CMSS1: variants seen among roughly 807,000 people sequenced by gnomAD.
CMSS1 encodes the protein protein CMSS1.
A neutral mutation model predicts 43.5 loss-of-function variants in CMSS1; 33 were observed. The observed-to-expected ratio is 0.76, with a 90% CI of 0.57 to 1.01. The LOEUF (loss-of-function observed/expected upper bound fraction) is 1.01. Ranked by LOEUF, CMSS1 falls within the 50% of genes least tolerant of loss-of-function variation. The probability of loss-of-function intolerance (pLI) is 0.00; values close to 1 mark genes in which losing one functional copy is unlikely to be tolerated. For synonymous variants in CMSS1, 115 were observed against 117.2 expected (o/e 0.98, Z 0.12); for missense variants, 313 against 326.4 (o/e 0.96, Z 0.32).
intron 8 of CMSS1, among the ~76,000 whole-genome samples, chr3:100,173,700 C>G (rs2067127804): frequency 6.6e-6 from 1 of 152,126 alleles, no homozygotes; most frequent in Non-Finnish European, 1.5e-5. Context: ...TCAGAGGAAG[C>G]ATTCATGAAT....
At chr3:99,944,190 A>G (rs1250331186) in intron 1 of CMSS1, among the ~76,000 whole-genome samples, 1 of 152,224 alleles carries the variant, frequency 6.6e-6, no homozygotes. Flanking sequence ...AAGTATTTTA[A>G]GAGTGTGTGT....
In CMSS1 at chr3:100,166,326, T is replaced by C. The variant is rs1442244298; in HGVS notation, c.356-9T>C. The C allele has an allele frequency of 1.3e-6, 2 of 1,572,276 alleles. No homozygotes were observed. Among genetic ancestry groups the C allele is most frequent in the South Asian group, 1.1e-5 (1 of 90,192 alleles). On this transcript the variant is annotated splice_polypyrimidine_tract_variant and intron_variant, in intron 4 of 9. Coordinates refer to ENST00000421999, the MANE Select transcript of CMSS1 (RefSeq NM_032359.4). The stretch of plus-strand genomic sequence containing the variant: ...AATTATCTACAAAGCATGTTTATTA[T>C]ATTTCTAGACTCCTGTTTCCTCAAG...
At chr3:99,924,080 G>A in intron 1 of CMSS1, 3 of 709,200 alleles carry the variant, frequency 4.2e-6, no homozygotes, top group East Asian at 5.0e-5. Flanking sequence ...TACTGATAAT[G>A]TCTTCAAACA....
intron 1 of CMSS1, among the ~76,000 whole-genome samples, chr3:99,948,412 C>T (rs533547655): frequency 4.6e-5 from 7 of 151,758 alleles, no homozygotes; most frequent in African/African-American, 1.7e-4. Flanking sequence ...GTGATGCACA[C>T]CTGTAGTCCC....
At chr3:99,940,026 G>A (rs139443214) in intron 1 of CMSS1, among the ~76,000 whole-genome samples, 21 of 152,330 alleles carry the variant, frequency 1.4e-4, no homozygotes, top group African/African-American at 5.1e-4. Context: ...CACTGATGAG[G>A]TCCAGTAGGG....
intron 1 of CMSS1, among the ~76,000 whole-genome samples, chr3:99,988,886 A>G (rs1036522308): frequency 2.6e-5 from 4 of 152,136 alleles, no homozygotes; most frequent in African/African-American, 7.2e-5. Context: ...CTTGGTTTCT[A>G]TTAAAGCTTC....
chr3:99,995,833 CAG>C lies in CMSS1; in HGVS notation c.65-151139_65-151138del, dbSNP rs558389464. ...AGCAATGGCCAGAGCAGCTGGGACACAGGGCACCAAGTCCCTGGGCTGCACAC... is the reference window on the plus strand; with the variant it reads ...AGCAATGGCCAGAGCAGCTGGGACACGGCACCAAGTCCCTGGGCTGCACAC... On this transcript the variant is annotated intron_variant, in intron 1 of 9. Transcript: ENST00000421999. Among the ~76,000 whole-genome samples the C allele has an allele frequency of 1.7e-3, 259 of 152,298 alleles. 1 individual carries two copies. Among genetic ancestry groups the C allele is most frequent in the African/African-American group, 6.1e-3 (255 of 41,562 alleles).
chr3:99,864,645 T>C (rs1944422029), intron 1 of CMSS1, among the ~76,000 whole-genome samples: 1 of 152,084 alleles, frequency 6.6e-6, no homozygotes, highest in Admixed American at 6.5e-5. Flanking sequence ...ATTCCCATGC[T>C]TTCTGCTCCA....
chr3:99,957,142 C>T (rs555132593), intron 1 of CMSS1, among the ~76,000 whole-genome samples: 1 of 151,522 alleles, frequency 6.6e-6, no homozygotes, highest in African/African-American at 2.4e-5. Context: ...TGATATACAG[C>T]AAAAAAAATA....
At chr3:99,938,225 C>G (rs1276948786) in intron 1 of CMSS1, among the ~76,000 whole-genome samples, 1 of 152,176 alleles carries the variant, frequency 6.6e-6, no homozygotes, top group Non-Finnish European at 1.5e-5. Flanking sequence ...CACCCCCAGC[C>G]CTCTCACAGA....
At chr3:100,062,511 C>G (rs549267888) in intron 1 of CMSS1, among the ~76,000 whole-genome samples, 22 of 152,086 alleles carry the variant, frequency 1.4e-4, no homozygotes, top group Non-Finnish European at 2.9e-4. Context: ...CAGCCAGTCC[C>G]TCATACGGGG....
In CMSS1 at chr3:99,948,979, A is replaced by T. The variant is rs12490054; in HGVS notation, c.64+130936A>T. Among the ~76,000 whole-genome samples, 1,230 of 152,292 alleles carry T rather than the reference A, an allele frequency of 8.1e-3. 19 individuals are homozygous for T. The highest frequency in any genetic ancestry group is 0.021 in the Admixed American group (321 of 15,296). ...TTTGCATAACTGTGTGGTCTTAAAA[A>T]TGTGGCCAATTCTTTCAAGATATAT... On this transcript the variant is annotated intron_variant, in intron 1 of 9. Coordinates refer to ENST00000421999, the MANE Select transcript of CMSS1 (RefSeq NM_032359.4).
chr3:99,921,635 T>G (rs1707127527), intron 1 of CMSS1, among the ~76,000 whole-genome samples: 1 of 152,214 alleles, frequency 6.6e-6, no homozygotes, highest in Admixed American at 6.5e-5. Context: ...AACAGAGTGA[T>G]AGACACTTTT....
chr3:99,906,335 C>T (rs1258551381), intron 1 of CMSS1, among the ~76,000 whole-genome samples: 2 of 151,950 alleles, frequency 1.3e-5, no homozygotes, highest in Non-Finnish European at 2.9e-5. Flanking sequence ...TCTTTAAGGC[C>T]CCTTCAAGTC....
chr3:100,162,800 C>T (rs1237387819), intron 4 of CMSS1, among the ~76,000 whole-genome samples: 1 of 151,992 alleles, frequency 6.6e-6, no homozygotes, highest in Non-Finnish European at 1.5e-5. Flanking sequence ...ATAGTGAAAC[C>T]CCATCTCTAC....
At position 99,830,095 on chromosome 3, in the gene CMSS1, C is replaced by G. The variant is rs145737168; in HGVS notation, c.64+12052C>G. 6.7e-3 allele frequency: 1,046 copies of G among 156,438 alleles called. 3 individuals carry two copies. The highest frequency in any genetic ancestry group is 8.5e-3 in the African/African-American group (355 of 41,700). 9.7% of individuals were successfully genotyped at this position (156,438 alleles called of 1,614,324 possible). ...AATTACTTCTGTTTTCACCAGAAAA[C>G]TCTTGAACTGTTCTAGTGAATTCAG... On this transcript the variant is annotated intron_variant, in intron 1 of 9. Coordinates refer to ENST00000421999, the MANE Select transcript of CMSS1 (RefSeq NM_032359.4).
intron 1 of CMSS1, among the ~76,000 whole-genome samples, chr3:99,894,893 G>A (rs1706199411): frequency 1.3e-5 from 2 of 152,110 alleles, no homozygotes; most frequent in Non-Finnish European, 2.9e-5. Flanking sequence ...GCTATATTTA[G>A]GTCAGCTAGC....
intron 1 of CMSS1, among the ~76,000 whole-genome samples, chr3:99,994,859 A>G (rs1340783588): frequency 6.6e-6 from 1 of 152,216 alleles, no homozygotes; most frequent in Non-Finnish European, 1.5e-5. Context: ...CGAGAACAGT[A>G]TGGGAGAAAC....
chr3:99,974,538 C>T (rs1708913043), intron 1 of CMSS1, among the ~76,000 whole-genome samples: 1 of 152,092 alleles, frequency 6.6e-6, no homozygotes, highest in East Asian at 1.9e-4. Flanking sequence ...GGAGAAACCC[C>T]GTCTCTACTA....
Sources: gnomAD v4.1 joint callset for allele counts (sites outside exome capture counted in the v4.1 genomes callset) on GRCh38, gnomAD v4.1.1 for gene constraint, MANE v1.5 for transcripts, NCBI Gene and HGNC (gene_info 2026-07-23, HGNC 2026-07-21) for gene names.